Variants in NCAM2 observed in about 807,000 individuals in gnomAD.
NCAM2 encodes N-CAM-2.
NCAM2 carries 30 observed loss-of-function variants against 98.1 expected under a neutral mutation model. That is an observed-to-expected ratio of 0.31 (90% confidence interval 0.23 to 0.41). The LOEUF (loss-of-function observed/expected upper bound fraction) is 0.41, where lower values mean the gene tolerates loss of function less well. NCAM2 is among the 10% of genes least tolerant of loss of function. NCAM2 has a pLI of 1.00. For missense variants in NCAM2, 867 were observed against 1,005.8 expected (o/e 0.86, Z 1.87); for synonymous variants, 368 against 342.4 (o/e 1.07, Z -0.83).
chr21:21,365,579 A>C (rs563126200), intron 8 of NCAM2, among the ~76,000 whole-genome samples: 101 of 152,128 alleles, frequency 6.6e-4, no homozygotes, highest in African/African-American at 2.3e-3. Flanking sequence ...AAACAGAAAC[A>C]GTATCAATAG....
rs576639595 is a variant in NCAM2 at position 21,243,284 on chromosome 21, A to G, written c.56-37294A>G. 8.3e-4 allele frequency among the ~76,000 whole-genome samples: 127 copies of G among 152,332 alleles called. 1 individual carries two copies. The highest frequency in any genetic ancestry group is 3.0e-3 in the African/African-American group (123 of 41,574). On this transcript the variant is annotated intron_variant, in intron 1 of 17. Transcript: ENST00000400546. ...TGGGAAGAAATAATTTAGAATGCAT[A>G]GATATGTTCTCAGGCCATCTGAGAA...
At chr21:21,178,786 TA>T (rs1160605645) in intron 1 of NCAM2, among the ~76,000 whole-genome samples, 1 of 151,910 alleles carries the variant, frequency 6.6e-6, no homozygotes, top group Non-Finnish European at 1.5e-5. Context: ...AATATATTTT[TA>T]ATATTTATTT....
chr21:21,199,162 G>A (rs2069118572), intron 1 of NCAM2, among the ~76,000 whole-genome samples: 1 of 152,060 alleles, frequency 6.6e-6, no homozygotes, highest in Admixed American at 6.6e-5. Flanking sequence ...CACTTCTAAG[G>A]AACATCTAAT....
intron 9 of NCAM2, among the ~76,000 whole-genome samples, chr21:21,406,114 T>C (rs1476472500): frequency 1.3e-5 from 2 of 152,108 alleles, no homozygotes; most frequent in African/African-American, 2.4e-5. Flanking sequence ...CCGAGACCTG[T>C]TAAAAACTGT....
At chr21:21,415,374 T>G (rs966329971) in intron 10 of NCAM2, among the ~76,000 whole-genome samples, 2 of 141,512 alleles carry the variant, frequency 1.4e-5, no homozygotes, top group African/African-American at 5.2e-5. Context: ...GGTCTTGCTC[T>G]GTCGCCCAGG....
At chr21:21,142,377 G>GTTTTTTTTTT (rs10686568) in intron 1 of NCAM2, among the ~76,000 whole-genome samples, 6 of 107,176 alleles carry the variant, frequency 5.6e-5, no homozygotes, top group Non-Finnish European at 6.8e-5. Flanking sequence ...TTTTTTTTAT[G>GTTTTTTTTTT]TTTTTTTTTT....
intron 1 of NCAM2, among the ~76,000 whole-genome samples, chr21:21,033,932 T>A (rs1047067185): frequency 1.3e-5 from 2 of 152,254 alleles, no homozygotes; most frequent in East Asian, 3.9e-4. Flanking sequence ...TTTGGTTTTT[T>A]TGTTTGTTTT....
At chr21:21,537,184 C>T (rs1336797736) in intron 17 of NCAM2, among the ~76,000 whole-genome samples, 1 of 151,880 alleles carries the variant, frequency 6.6e-6, no homozygotes, top group Non-Finnish European at 1.5e-5. Context: ...CTGCAATCTC[C>T]ACCTCCCGGT....
At chr21:21,514,055 T>C (rs756063109) in intron 16 of NCAM2, among the ~76,000 whole-genome samples, 2 of 151,824 alleles carry the variant, frequency 1.3e-5, no homozygotes, top group Non-Finnish European at 2.9e-5. Flanking sequence ...TACAACATGC[T>C]CTACATATAT....
At chr21:21,137,272 A>G (rs1448652586) in intron 1 of NCAM2, among the ~76,000 whole-genome samples, 1 of 152,252 alleles carries the variant, frequency 6.6e-6, no homozygotes, top group African/African-American at 2.4e-5. Context: ...TTATGTCAGA[A>G]TATCATACAA....
intron 9 of NCAM2, among the ~76,000 whole-genome samples, chr21:21,380,312 TTC>T (rs2076125878): frequency 6.6e-6 from 1 of 152,212 alleles, no homozygotes; most frequent in Non-Finnish European, 1.5e-5. Context: ...GAACTATTTT[TTC>T]TCTCTTTTCT....
chr21:21,135,889 A>G (rs1178482279), intron 1 of NCAM2, among the ~76,000 whole-genome samples: 1 of 152,114 alleles, frequency 6.6e-6, no homozygotes, highest in Non-Finnish European at 1.5e-5. Flanking sequence ...CCTTCCTAGG[A>G]GTTTCCTTGC....
intron 15 of NCAM2, among the ~76,000 whole-genome samples, chr21:21,494,932 A>T (rs956758104): frequency 2.6e-5 from 4 of 151,694 alleles, no homozygotes; most frequent in African/African-American, 9.7e-5. Flanking sequence ...AGCACAGCTC[A>T]GTTTCTTTCT....
intron 5 of NCAM2, among the ~76,000 whole-genome samples, chr21:21,316,501 A>G (rs1307078823): frequency 6.8e-6 from 1 of 147,280 alleles, no homozygotes; most frequent in Non-Finnish European, 1.5e-5. Context: ...TTTCTCCAAC[A>G]TCTCCATCAT....
chr21:21,118,332 C>CGG (rs1032839270), intron 1 of NCAM2, among the ~76,000 whole-genome samples: 1 of 151,868 alleles, frequency 6.6e-6, no homozygotes, highest in Admixed American at 6.6e-5. Flanking sequence ...AAAGATGCAG[C>CGG]GGGGGGGCAG....
Position 21,082,289 on chromosome 21 carries a change from A to AAC in NCAM2, c.55+83672_55+83673insCA, listed in dbSNP as rs201423016. On this transcript the variant is annotated intron_variant, in intron 1 of 17. Transcript: ENST00000400546. ...CCTATCAGAGCTCAAAACAAAAAAA[A>AAC]AAAAACAAAACAAAAACACCTTATT... is the stretch of plus-strand genomic sequence containing the variant. 2.0e-5 allele frequency among the ~76,000 whole-genome samples: 3 copies of AAC among 149,316 alleles called. No homozygotes were observed. The East Asian group carries it at 5.8e-4, about 29-fold the overall frequency.
chr21:21,470,475 TG>T (rs1984301711), intron 14 of NCAM2, among the ~76,000 whole-genome samples: 1 of 152,102 alleles, frequency 6.6e-6, no homozygotes, highest in African/African-American at 2.4e-5. Context: ...ATTTTACCTT[TG>T]CACATAGTTG....
intron 8 of NCAM2, among the ~76,000 whole-genome samples, chr21:21,364,450 A>G (rs2075733204): frequency 6.6e-6 from 1 of 152,030 alleles, no homozygotes; most frequent in South Asian, 2.1e-4. Flanking sequence ...TAAAACATAT[A>G]TTTGCTATAA....
rs1475274756 is a variant in NCAM2, at chr21:21,541,076, T to A, written c.*3119T>A. The A allele has an allele frequency of 6.6e-6, 1 of 151,668 alleles. No individual in the cohort carries two copies. The highest frequency in any genetic ancestry group is 1.9e-4 in the East Asian group (1 of 5,202). The allele number at this position is 151,668 out of a possible 1,614,324, so 9.4% of individuals were successfully genotyped here. On this transcript the variant is annotated 3_prime_UTR_variant, in exon 18 of 18. Transcript: ENST00000400546. ...TTTGATCCAGCACACTTCATATGGA[T>A]CTTAGTCTTTGAATTAAATATTTAT...
Sources: allele counts gnomAD v4.1 joint callset (sites outside exome capture counted in the v4.1 genomes callset), GRCh38; gene constraint gnomAD v4.1.1; transcripts MANE v1.5; gene names NCBI Gene and HGNC (gene_info 2026-07-23, HGNC 2026-07-21).